Variants in KHDRBS3 observed in about 807,000 individuals in gnomAD.
The protein encoded by KHDRBS3 is KH RNA binding domain containing, signal transduction associated 3.
A neutral mutation model predicts 45.6 loss-of-function variants in KHDRBS3; 23 were observed. The observed-to-expected ratio is 0.50, with a 90% CI of 0.36 to 0.72. The LOEUF is 0.72. Ranked by LOEUF, KHDRBS3 falls within the 30% of genes least tolerant of loss-of-function variation. The pLI, the probability that KHDRBS3 is intolerant of heterozygous loss-of-function variation, is 0.00. For synonymous variants in KHDRBS3, 162 were observed against 156.5 expected (o/e 1.04, Z -0.26); for missense variants, 352 against 424.8 (o/e 0.83, Z 1.51).
intron 1 of KHDRBS3, among the ~76,000 whole-genome samples, chr8:135,471,866 A>G (rs1822033746): frequency 1.3e-5 from 2 of 152,206 alleles, no homozygotes; most frequent in African/African-American, 4.8e-5. Flanking sequence ...GCAACATTGC[A>G]TTTATCACAC....
chr8:135,578,531 T>C (rs1828054450), intron 5 of KHDRBS3, among the ~76,000 whole-genome samples: 1 of 152,190 alleles, frequency 6.6e-6, no homozygotes, highest in African/African-American at 2.4e-5. Flanking sequence ...ATCAGTTGAC[T>C]GTATTTCTGA....
chr8:135,497,510 T>A (rs1310780909), intron 1 of KHDRBS3, among the ~76,000 whole-genome samples: 3 of 152,140 alleles, frequency 2.0e-5, no homozygotes, highest in African/African-American at 7.2e-5. Flanking sequence ...ATCACAAGCA[T>A]CTCTTGTGGT....
chr8:135,503,887 TATATTC>T (rs1222935680), intron 1 of KHDRBS3, among the ~76,000 whole-genome samples: 7 of 152,210 alleles, frequency 4.6e-5, no homozygotes, highest in African/African-American at 7.2e-5. Flanking sequence ...TAATTCTAGT[TATATTC>T]ATATTTAAAT....
chr8:135,521,103 T>G, intron 1 of KHDRBS3, 134 bp from the exon 2 acceptor site: 1 of 633,030 alleles, frequency 1.6e-6, no homozygotes, highest in Admixed American at 2.6e-5. Context: ...GAAATGTACT[T>G]GAAAACATTT....
intron 1 of KHDRBS3, among the ~76,000 whole-genome samples, chr8:135,482,924 G>A (rs746955246): frequency 2.0e-5 from 3 of 152,152 alleles, no homozygotes; most frequent in Non-Finnish European, 2.9e-5. Context: ...CCCAACAAAT[G>A]TTAATTCCTT....
At chr8:135,644,913 G>C (rs1831218148) in intron 7 of KHDRBS3, 146 bp from the exon 8 acceptor site, 4 of 781,126 alleles carry the variant, frequency 5.1e-6, no homozygotes, top group Non-Finnish European at 8.3e-6. Context: ...TTCTGCTTTA[G>C]AACTCTGTGA....
chr8:135,507,010 C>T (rs1824033787), intron 1 of KHDRBS3, among the ~76,000 whole-genome samples: 1 of 152,098 alleles, frequency 6.6e-6, no homozygotes, highest in African/African-American at 2.4e-5. Flanking sequence ...TTTTATGGAG[C>T]CTTTTAGACA....
intron 5 of KHDRBS3, among the ~76,000 whole-genome samples, chr8:135,569,032 A>G (rs990957459): frequency 1.2e-4 from 18 of 152,202 alleles, no homozygotes; most frequent in Admixed American, 3.3e-4. Context: ...GGTGTCTTCT[A>G]AATTTTATGA....
chr8:135,545,024 C>A (rs548532651), intron 3 of KHDRBS3, among the ~76,000 whole-genome samples: 4 of 151,974 alleles, frequency 2.6e-5, no homozygotes, highest in African/African-American at 9.7e-5. Flanking sequence ...GTTTCCTCTG[C>A]TCGGTGTAAA....
chr8:135,567,910 A>T (rs1827508612), intron 5 of KHDRBS3, among the ~76,000 whole-genome samples: 1 of 152,254 alleles, frequency 6.6e-6, no homozygotes, highest in African/African-American at 2.4e-5. Flanking sequence ...CACATAGAAA[A>T]GAAAGCTTTA....
Position 135,644,329 on chromosome 8 carries a change from C to G in KHDRBS3, c.891-730C>G, listed in dbSNP as rs1385705715. 2.0e-5 allele frequency among the ~76,000 whole-genome samples: 3 copies of G among 152,138 alleles called. No individual in the cohort carries two copies. In the East Asian group the frequency reaches 5.8e-4, roughly 29 times the overall value. ...TGTTGTACATTGGAACGTGGATTTG[C>G]CTGTACTTTGAAAAGATCCTTGGCC... On this transcript the variant is annotated intron_variant, in intron 7 of 8. Transcript: ENST00000355849.
chr8:135,475,342 G>A (rs769231345), intron 1 of KHDRBS3, among the ~76,000 whole-genome samples: 6 of 151,876 alleles, frequency 4.0e-5, no homozygotes, highest in Admixed American at 6.6e-5. Flanking sequence ...ACGGAGTTTC[G>A]CTCTTTTGCC....
intron 2 of KHDRBS3, among the ~76,000 whole-genome samples, chr8:135,524,412 A>G (rs896030709): frequency 3.3e-5 from 5 of 152,234 alleles, no homozygotes; most frequent in African/African-American, 1.2e-4. Flanking sequence ...CAGAGAACAT[A>G]TATCAGATTG....
chr8:135,493,082 A>T (rs757504672), intron 1 of KHDRBS3, among the ~76,000 whole-genome samples: 5 of 145,266 alleles, frequency 3.4e-5, no homozygotes, highest in Non-Finnish European at 7.6e-5. Flanking sequence ...TGTTACTGGA[A>T]TTTTTTTTTT....
At chr8:135,487,796 G>C (rs1327549076) in intron 1 of KHDRBS3, among the ~76,000 whole-genome samples, 1 of 152,200 alleles carries the variant, frequency 6.6e-6, no homozygotes, top group Non-Finnish European at 1.5e-5. Context: ...GGATGAGCGA[G>C]AACGTTCAAT....
At chr8:135,632,461 C>A (rs1049996119) in intron 7 of KHDRBS3, among the ~76,000 whole-genome samples, 1 of 151,880 alleles carries the variant, frequency 6.6e-6, no homozygotes, top group Non-Finnish European at 1.5e-5. Context: ...TTTTAACGAC[C>A]AAGAGCAATG....
intron 5 of KHDRBS3, among the ~76,000 whole-genome samples, chr8:135,570,806 C>T (rs920603653): frequency 2.0e-5 from 3 of 152,158 alleles, no homozygotes; most frequent in Admixed American, 2.0e-4. Flanking sequence ...AGTTTCTGTG[C>T]TTTTTCTTGC....
downstream of KHDRBS3, among the ~76,000 whole-genome samples, chr8:135,651,407 C>T (rs1831425743): frequency 6.6e-6 from 1 of 151,876 alleles, no homozygotes; most frequent in Non-Finnish European, 1.5e-5. Flanking sequence ...TCATTGGTTG[C>T]TATATGTAAA....
intron 5 of KHDRBS3, among the ~76,000 whole-genome samples, chr8:135,579,319 G>T (rs190866134): frequency 2.0e-5 from 3 of 152,208 alleles, no homozygotes; most frequent in African/African-American, 7.2e-5. Flanking sequence ...TCAATATGTT[G>T]CAGGTTTGCT....
Sources: gnomAD v4.1 joint callset for allele counts (sites outside exome capture counted in the v4.1 genomes callset) on GRCh38, gnomAD v4.1.1 for gene constraint, MANE v1.5 for transcripts, NCBI Gene and HGNC (gene_info 2026-07-23, HGNC 2026-07-21) for gene names.